Variants in SNX6 observed in about 807,000 individuals in gnomAD.
SNX6 encodes sorting nexin-6.
A neutral mutation model predicts 63.0 loss-of-function variants in SNX6; 34 were observed. The ratio of observed to expected loss-of-function variants is 0.54; its 90% confidence interval spans 0.41 to 0.72. The LOEUF is 0.72. Among genes scored for constraint, SNX6 ranks in the 30% least tolerant of loss-of-function variants. The pLI, the probability that SNX6 is intolerant of heterozygous loss-of-function variation, is 0.00. For synonymous variants in SNX6, 170 were observed against 164.2 expected (o/e 1.04, Z -0.27); for missense variants, 398 against 471.4 (o/e 0.84, Z 1.44).
intron 2 of SNX6, among the ~76,000 whole-genome samples, chr14:34,624,047 T>C (rs1471539878): frequency 2.6e-5 from 4 of 152,198 alleles, no homozygotes; most frequent in Non-Finnish European, 5.9e-5. Flanking sequence ...ATGTGGCCAA[T>C]ATTTTTCAAC....
At chr14:34,571,511 A>T (rs1042948413) in intron 11 of SNX6, among the ~76,000 whole-genome samples, 2 of 152,214 alleles carry the variant, frequency 1.3e-5, no homozygotes, top group South Asian at 2.1e-4. Flanking sequence ...AGCCCACCTG[A>T]AAACACTATA....
intron 2 of SNX6, among the ~76,000 whole-genome samples, chr14:34,625,317 T>C (rs1007169426): frequency 3.9e-5 from 6 of 152,112 alleles, no homozygotes; most frequent in Non-Finnish European, 7.3e-5. Context: ...ACAAACACAA[T>C]GTAAGGAAAT....
At chr14:34,627,222 G>A (rs1023163920) in intron 2 of SNX6, among the ~76,000 whole-genome samples, 7 of 151,652 alleles carry the variant, frequency 4.6e-5, no homozygotes, top group African/African-American at 1.2e-4. Flanking sequence ...AGAGGCGGGC[G>A]GATCACGAGG....
At chr14:34,618,094 A>T (rs983339763) in intron 2 of SNX6, among the ~76,000 whole-genome samples, 1 of 152,184 alleles carries the variant, frequency 6.6e-6, no homozygotes, top group Non-Finnish European at 1.5e-5. Context: ...GAAGGAAGAA[A>T]GAAAATAACT....
At chr14:34,567,634 C>G in intron 13 of SNX6, 52 bp downstream of exon 13, 1 of 1,359,482 alleles carries the variant, frequency 7.4e-7, no homozygotes, top group Non-Finnish European at 1.0e-6. Flanking sequence ...ATAACTGATT[C>G]ATTTCTATAT....
At chr14:34,630,066 G>GC (rs1167005309) in intron 1 of SNX6, 45 bp downstream of exon 1, 40 of 1,457,908 alleles carry the variant, frequency 2.7e-5, no homozygotes, top group Admixed American at 1.8e-4. Flanking sequence ...CGCGCCCGCT[G>GC]CCCCCACCGC....
chr14:34,604,782 C>T (rs1882952245), intron 5 of SNX6, among the ~76,000 whole-genome samples: 1 of 150,560 alleles, frequency 6.6e-6, no homozygotes, highest in South Asian at 2.1e-4. Context: ...ACATGATGCT[C>T]AAAGGAAATA....
intron 6 of SNX6, among the ~76,000 whole-genome samples, chr14:34,598,643 A>G (rs765553247): frequency 1.3e-5 from 2 of 152,214 alleles, no homozygotes; most frequent in African/African-American, 2.4e-5. Flanking sequence ...TTGGCCTCCC[A>G]AAGTGCTGGG....
At chr14:34,624,261 C>T (rs1261178586) in intron 2 of SNX6, among the ~76,000 whole-genome samples, 9 of 152,000 alleles carry the variant, frequency 5.9e-5, no homozygotes, top group Admixed American at 2.0e-4. Flanking sequence ...CCATCACGCC[C>T]GGCTAATTTT....
intron 7 of SNX6, 30 bp from the exon 8 acceptor site, chr14:34,593,180 T>A: frequency 1.4e-6 from 2 of 1,396,042 alleles, no homozygotes; most frequent in Non-Finnish European, 2.0e-6. Flanking sequence ...TATAAACTTT[T>A]TTCACTTATT....
chr14:34,594,308 C>CT (rs34181149), intron 7 of SNX6, among the ~76,000 whole-genome samples: 2,722 of 146,086 alleles, frequency 0.019, 56 homozygotes, highest in East Asian at 0.079. Flanking sequence ...TGTCTTCAAC[C>CT]TTTTTTTTTT....
chr14:34,609,670 GCTCA>G lies in SNX6; in HGVS notation c.123_126del (p.Glu42GlyfsTer4), dbSNP rs777861928. On this transcript the variant is annotated frameshift_variant, in exon 3 of 14. Transcript: ENST00000362031. LOFTEE classifies it high-confidence loss of function. ...TGAACAGTGAATTTTACTTTATCCCGCTCACTAAGAGCATCAGAAATGTCCACCT... is the reference window on the plus strand; with the variant it reads ...TGAACAGTGAATTTTACTTTATCCCGCTAAGAGCATCAGAAATGTCCACCT... 9 of 1,610,776 alleles carry G rather than the reference GCTCA, an allele frequency of 5.6e-6. No individual in the cohort carries two copies. Among genetic ancestry groups the G allele is most frequent in the East Asian group, 2.2e-5 (1 of 44,816 alleles).
intron 2 of SNX6, among the ~76,000 whole-genome samples, chr14:34,615,772 T>C (rs919326998): frequency 6.6e-6 from 1 of 152,114 alleles, no homozygotes; most frequent in Non-Finnish European, 1.5e-5. Context: ...GAGCCTGTAA[T>C]AGGACTTATG....
chr14:34,603,601 G>A, intron 5 of SNX6, 130 bp from the exon 6 acceptor site: 1 of 720,694 alleles, frequency 1.4e-6, no homozygotes, highest in South Asian at 3.8e-5. Context: ...TATAATTCAT[G>A]TAAACAAGGT....
intron 11 of SNX6, chr14:34,568,613 G>GT: frequency 1.5e-6 from 1 of 656,190 alleles, no homozygotes; most frequent in East Asian, 3.0e-5. Context: ...GATTACAAGC[G>GT]TGAGCCACTG....
chr14:34,595,045 T>A (rs1030360104), intron 7 of SNX6, among the ~76,000 whole-genome samples: 1 of 152,080 alleles, frequency 6.6e-6, no homozygotes, highest in East Asian at 1.9e-4. Flanking sequence ...TGAGCCGAGA[T>A]TGGGGCACTG....
intron 6 of SNX6, among the ~76,000 whole-genome samples, chr14:34,602,044 C>T (rs1882835163): frequency 7.8e-6 from 1 of 128,608 alleles, no homozygotes; most frequent in Admixed American, 7.3e-5. Context: ...AATCCCAGCA[C>T]TTTGGGAGGC....
At chr14:34,571,960 A>G (rs889857995) in intron 11 of SNX6, among the ~76,000 whole-genome samples, 6 of 152,146 alleles carry the variant, frequency 3.9e-5, no homozygotes, top group Admixed American at 3.3e-4. Context: ...CCAAAGGATA[A>G]CAGGGGTGAG....
At chr14:34,577,891 A>G (rs1352474742) in intron 10 of SNX6, among the ~76,000 whole-genome samples, 1 of 152,168 alleles carries the variant, frequency 6.6e-6, no homozygotes, top group East Asian at 1.9e-4. Flanking sequence ...GGAATGTAAG[A>G]ACTTTAAGCA....
Sources: allele counts gnomAD v4.1 joint callset (sites outside exome capture counted in the v4.1 genomes callset), GRCh38; gene constraint gnomAD v4.1.1; transcripts MANE v1.5; gene names NCBI Gene and HGNC (gene_info 2026-07-23, HGNC 2026-07-21).